The following PLEKHG1 variants were observed in gnomAD, a reference collection of about 807,000 sequenced individuals.
PLEKHG1 encodes pleckstrin homology domain-containing family G member 1.
A neutral mutation model predicts 100.8 loss-of-function variants in PLEKHG1; 44 were observed. That is an observed-to-expected ratio of 0.44 (90% CI 0.34 to 0.56). The LOEUF is 0.56. PLEKHG1 is among the 20% of genes least tolerant of loss of function. The pLI, the probability that PLEKHG1 is intolerant of heterozygous loss-of-function variation, is 0.01. For missense variants in PLEKHG1, 1,545 were observed against 1,720.9 expected, an observed-to-expected ratio of 0.90 and a Z score of 1.81; for synonymous variants, 640 against 662.5, an observed-to-expected ratio of 0.97 and a Z score of 0.52.
chr6:150,624,492 A>G (rs962673139), intron 1 of PLEKHG1, among the ~76,000 whole-genome samples: 2 of 152,190 alleles, frequency 1.3e-5, no homozygotes, highest in Non-Finnish European at 2.9e-5. Flanking sequence ...CTCTTAAGAA[A>G]TTCAGCCAGG....
chr6:150,842,560 A>T (rs1476303945), exon 16 of PLEKHG1: 1 of 152,208 alleles, frequency 6.6e-6, no homozygotes, highest in Non-Finnish European at 1.5e-5. Context: ...TCTCCAAAGT[A>T]TTCTTCTCAT....
intron 1 of PLEKHG1, among the ~76,000 whole-genome samples, chr6:150,617,317 G>T (rs970397577): frequency 6.6e-6 from 1 of 152,194 alleles, no homozygotes; most frequent in African/African-American, 2.4e-5. Context: ...TTTTTAAAAA[G>T]TTTTTGCTAA....
rs879856597 is a variant in PLEKHG1 at position 150,794,877 on chromosome 6, T to A, written c.583-979T>A. ...TATATATGCTTGAAACTTTCCATTT[T>A]AAAAAAAAGTTTAACCTAATTCCAG... On this transcript the variant is annotated intron_variant, in intron 4 of 15. Coordinates refer to ENST00000358517, the Ensembl canonical transcript of PLEKHG1. 2.0e-4 allele frequency among the ~76,000 whole-genome samples: 30 copies of A among 151,860 alleles called. 1 individual carries two copies. Among genetic ancestry groups the A allele is most frequent in the Admixed American group, 1.1e-3 (16 of 15,238 alleles).
intron 3 of PLEKHG1, among the ~76,000 whole-genome samples, chr6:150,682,282 C>T (rs535296977): frequency 4.6e-5 from 7 of 152,246 alleles, no homozygotes; most frequent in East Asian, 1.9e-4. Flanking sequence ...TACCAGGCCA[C>T]GATAAAGGCC....
intron 13 of PLEKHG1, among the ~76,000 whole-genome samples, chr6:150,822,049 C>T (rs1289196228): frequency 1.4e-5 from 2 of 147,126 alleles, no homozygotes; most frequent in Non-Finnish European, 3.0e-5. Context: ...CCATGTTGGT[C>T]AGGCTGGTCT....
At chr6:150,634,671 T>C (rs1393056042) in intron 1 of PLEKHG1, among the ~76,000 whole-genome samples, 1 of 152,224 alleles carries the variant, frequency 6.6e-6, no homozygotes, top group Non-Finnish European at 1.5e-5. Flanking sequence ...TATGGAAAAA[T>C]TTAATTTTCA....
upstream of PLEKHG1, among the ~76,000 whole-genome samples, chr6:150,716,140 G>T (rs1044316750): frequency 6.6e-6 from 1 of 150,962 alleles, no homozygotes; most frequent in South Asian, 2.1e-4. Context: ...AAATGTGACC[G>T]CATGCCTTGT....
At chr6:150,736,545 G>A (rs1399101601) in intron 2 of PLEKHG1, among the ~76,000 whole-genome samples, 5 of 152,170 alleles carry the variant, frequency 3.3e-5, no homozygotes, top group African/African-American at 1.2e-4. Context: ...GAGGCGGGCG[G>A]ATCACCTGAG....
At chr6:150,666,018 C>G (rs1428631844) in intron 3 of PLEKHG1, among the ~76,000 whole-genome samples, 2 of 152,168 alleles carry the variant, frequency 1.3e-5, no homozygotes, top group Non-Finnish European at 2.9e-5. Flanking sequence ...TCTGATGTCC[C>G]CCTCATGTCT....
intron 3 of PLEKHG1, among the ~76,000 whole-genome samples, chr6:150,651,634 A>G (rs138779825): frequency 2.0e-5 from 3 of 151,772 alleles, no homozygotes; most frequent in South Asian, 2.1e-4. Context: ...CAAGGTGGGC[A>G]GATCACTTGC....
chr6:150,605,300 G>A (rs932768924), intron 1 of PLEKHG1, among the ~76,000 whole-genome samples: 4 of 152,218 alleles, frequency 2.6e-5, no homozygotes, highest in African/African-American at 9.6e-5. Flanking sequence ...GCGATACACA[G>A]TGTAGCAGAG....
At chr6:150,752,890 T>C (rs758121641) in intron 2 of PLEKHG1, among the ~76,000 whole-genome samples, 3 of 152,068 alleles carry the variant, frequency 2.0e-5, no homozygotes, top group Non-Finnish European at 4.4e-5. Flanking sequence ...GGCAGGCAGA[T>C]CATTTGAGCT....
chr6:150,824,068 C>T (rs893910361), intron 14 of PLEKHG1, among the ~76,000 whole-genome samples: 6 of 152,186 alleles, frequency 3.9e-5, no homozygotes, highest in African/African-American at 9.7e-5. Flanking sequence ...CTCCTCCAAG[C>T]GCGAGCCTTC....
chr6:150,626,979 A>G, intron 1 of PLEKHG1, among the ~76,000 whole-genome samples: 1 of 152,240 alleles, frequency 6.6e-6, no homozygotes, highest in Admixed American at 6.5e-5. Context: ...TTTATAGTGC[A>G]TGGGACATGC....
intron 2 of PLEKHG1, among the ~76,000 whole-genome samples, chr6:150,760,756 A>G (rs976192459): frequency 2.6e-5 from 4 of 151,976 alleles, no homozygotes; most frequent in Admixed American, 2.0e-4. Context: ...GGACTTCATC[A>G]TGGCCAACTG....
chr6:150,821,903 G>A lies in PLEKHG1; in HGVS notation c.1447+670G>A, dbSNP rs534045648. Reference sequence around the variant, plus strand: ...GTTGCCCAGGCTAGAGTGCAATAGCGCGATCTCGGCTCACCTCAACCTCTG... The same window carrying A: ...GTTGCCCAGGCTAGAGTGCAATAGCACGATCTCGGCTCACCTCAACCTCTG... On this transcript the variant is annotated intron_variant, in intron 13 of 15. Transcript: ENST00000358517. 1.8e-4 allele frequency among the ~76,000 whole-genome samples: 27 copies of A among 149,240 alleles called. No individual in the cohort carries two copies. In the East Asian group the frequency reaches 4.4e-3, roughly 24 times the overall value.
intron 15 of PLEKHG1, 123 bp from the exon 17 acceptor site, chr6:150,839,710 A>T (rs1777412050): frequency 1.6e-6 from 1 of 632,798 alleles, no homozygotes; most frequent in Non-Finnish European, 2.8e-6. Context: ...CTTAGACATC[A>T]GTTAGTCTTG....
chr6:150,669,470 C>T (rs1026501754), intron 3 of PLEKHG1, among the ~76,000 whole-genome samples: 13 of 152,012 alleles, frequency 8.6e-5, no homozygotes, highest in African/African-American at 1.2e-4. Context: ...GATAAAATAA[C>T]GCGACGTTCT....
rs2128547977 is a variant in PLEKHG1 at position 150,600,365 on chromosome 6, C to T, written c.-204+348C>T. Among the ~76,000 whole-genome samples, 1 of 152,196 alleles carries T rather than the reference C, an allele frequency of 6.6e-6. No individual in the cohort carries two copies. The highest frequency in any genetic ancestry group is 6.5e-5 in the Admixed American group (1 of 15,306). On this transcript the variant is annotated intron_variant, in intron 1 of 3. Coordinates refer to the PLEKHG1 transcript ENST00000367326. The surrounding 1 kb of genome is among the most constrained non-coding windows in gnomAD (Gnocchi z 6.2). ...GTGCTCCCGCCCCTCGCCCCAGCGG[C>T]TGCAACATCAGCGCGCAGAGGAGTT...
Sources: gnomAD v4.1 joint callset for allele counts (sites outside exome capture counted in the v4.1 genomes callset) on GRCh38, gnomAD v4.1.1 for gene constraint, Gnocchi (gnomAD v3.1) non-coding constraint, MANE v1.5 for transcripts, NCBI Gene and HGNC (gene_info 2026-07-23, HGNC 2026-07-21) for gene names.